Variants in TNIP3 observed in about 807,000 individuals in gnomAD.
The protein encoded by TNIP3 is TNFAIP3 interacting protein 3.
In TNIP3, 34 loss-of-function variants were observed where a neutral mutation model predicts 54.1. The ratio of observed to expected loss-of-function variants is 0.63; its 90% CI spans 0.48 to 0.84. The LOEUF (loss-of-function observed/expected upper bound fraction) is 0.84. TNIP3 is among the 40% of genes least tolerant of loss of function. The probability of loss-of-function intolerance (pLI) is 0.00; values close to 1 mark genes in which losing one functional copy is unlikely to be tolerated. For synonymous variants in TNIP3, 134 were observed against 136.8 expected (o/e 0.98, Z 0.14); for missense variants, 366 against 387.6 (o/e 0.94, Z 0.47).
intron 8 of TNIP3, 42 bp from the exon 9 acceptor site, chr4:121,141,956 A>ACCC: frequency 7.2e-7 from 1 of 1,398,274 alleles, no homozygotes; most frequent in Non-Finnish European, 9.8e-7. Context: ...AGTGGGAGAG[A>ACCC]CTGAGGAGTT....
chr4:121,164,395 A>C, upstream of TNIP3: 1 of 1,195,080 alleles, frequency 8.4e-7, no homozygotes, highest in African/African-American at 1.6e-5. Context: ...GATGTCTCAA[A>C]TAGGCAGGCC....
chr4:121,223,339 C>T (rs1727119908), intron 1 of TNIP3, among the ~76,000 whole-genome samples: 1 of 152,202 alleles, frequency 6.6e-6, no homozygotes, highest in Non-Finnish European at 1.5e-5. Context: ...TGTTTTATAA[C>T]TATGCATTAA....
At chr4:121,182,984 GT>G (rs1432949159) in intron 2 of TNIP3, among the ~76,000 whole-genome samples, 4 of 152,186 alleles carry the variant, frequency 2.6e-5, no homozygotes, top group African/African-American at 9.7e-5. Context: ...GAGCATTAGA[GT>G]TTAATTTTCA....
chr4:121,219,758 T>G (rs1726955010), upstream of TNIP3, among the ~76,000 whole-genome samples: 1 of 152,228 alleles, frequency 6.6e-6, no homozygotes, highest in Non-Finnish European at 1.5e-5. Flanking sequence ...AAGTCTATGT[T>G]ATACATTGAG....
At chr4:121,190,024 G>A (rs1725220600) in intron 2 of TNIP3, among the ~76,000 whole-genome samples, 1 of 152,214 alleles carries the variant, frequency 6.6e-6, no homozygotes, top group African/African-American at 2.4e-5. Context: ...GCTAGCCCCA[G>A]TGAGAGGTTA....
intron 3 of TNIP3, among the ~76,000 whole-genome samples, chr4:121,157,752 AG>A (rs1730203963): frequency 6.6e-6 from 1 of 152,168 alleles, no homozygotes; most frequent in South Asian, 2.1e-4. Flanking sequence ...CACAGTCCAG[AG>A]GGAGAATCTT....
intron 6 of TNIP3, among the ~76,000 whole-genome samples, chr4:121,149,267 T>C (rs892141659): frequency 6.6e-6 from 1 of 152,204 alleles, no homozygotes; most frequent in East Asian, 1.9e-4. Context: ...GAGAATGCTC[T>C]TGTGCATCAG....
chr4:121,226,318 T>A (rs1727254818), intron 1 of TNIP3, among the ~76,000 whole-genome samples: 1 of 152,152 alleles, frequency 6.6e-6, no homozygotes, highest in Admixed American at 6.5e-5. Flanking sequence ...AAAGGCATAA[T>A]GTTTTTCTCT....
At chr4:121,164,769 A>T (rs1432751208), upstream of TNIP3, among the ~76,000 whole-genome samples, 1 of 152,200 alleles carries the variant, frequency 6.6e-6, no homozygotes, top group Non-Finnish European at 1.5e-5. Context: ...GAAAATGGGC[A>T]TTGTTTGCAA....
At chr4:121,225,214 GC>G (rs1350273769) in intron 1 of TNIP3, among the ~76,000 whole-genome samples, 1 of 152,062 alleles carries the variant, frequency 6.6e-6, no homozygotes, top group African/African-American at 2.4e-5. Flanking sequence ...TGTACTAATT[GC>G]CCCTTGTGAC....
At chr4:121,139,327 G>A (rs1179673635) in intron 9 of TNIP3, among the ~76,000 whole-genome samples, 1 of 152,156 alleles carries the variant, frequency 6.6e-6, no homozygotes. Context: ...GCTAGATATT[G>A]AATGTCGAAC....
intron 3 of TNIP3, among the ~76,000 whole-genome samples, chr4:121,180,646 G>A (rs747546979): frequency 5.3e-5 from 8 of 152,252 alleles, no homozygotes; most frequent in East Asian, 1.9e-4. Flanking sequence ...ATGGGGTCTC[G>A]TATATGTTTG....
chr4:121,186,942 A>G (rs1316844719), intron 2 of TNIP3, among the ~76,000 whole-genome samples: 1 of 152,230 alleles, frequency 6.6e-6, no homozygotes, highest in African/African-American at 2.4e-5. Context: ...TTTGTACATG[A>G]AAATATTTTA....
chr4:121,137,958 C>T (rs935268140), intron 10 of TNIP3: 11 of 455,800 alleles, frequency 2.4e-5, no homozygotes, highest in Admixed American at 1.9e-4. Context: ...TTTATACAGC[C>T]CGCTTCTGGG....
At chr4:121,193,256 C>T (rs749269731) in intron 2 of TNIP3, among the ~76,000 whole-genome samples, 1 of 152,092 alleles carries the variant, frequency 6.6e-6, no homozygotes, top group Admixed American at 6.6e-5. Flanking sequence ...AATTCATATT[C>T]ATTCTCTTCT....
Position 121,201,149 on chromosome 4 carries a change from A to G in TNIP3, c.68+15266T>C, listed in dbSNP as rs532959819. ...GAGTCTGGATGAGTAGGGGGCAGGA[A>G]AGAAAGTTTTGAGGTATGAGGAAAG... On this transcript the variant is annotated intron_variant, in intron 2 of 12. Transcript: ENST00000507879. 2.0e-5 allele frequency among the ~76,000 whole-genome samples: 3 copies of G among 152,274 alleles called. No homozygotes were observed. In the South Asian group the frequency reaches 6.2e-4, roughly 32 times the overall value.
At chr4:121,210,418 AATAGCTGCTTAAGC>A (rs1361244896) in intron 2 of TNIP3, among the ~76,000 whole-genome samples, 14 of 152,232 alleles carry the variant, frequency 9.2e-5, no homozygotes, top group Admixed American at 7.9e-4. Context: ...ATTAGATATT[AATAGCTGCTTAAGC>A]CAAACTCCTT....
In TNIP3 at chr4:121,141,920, G is replaced by A. The variant is rs373472329; in HGVS notation, c.787-6C>T. The stretch of plus-strand genomic sequence containing the variant: ...TTACAGGGTGGGCAATACATCTGAG[G>A]AGAACAAAACTGTGGGGTCACTACC... On this transcript the variant is annotated splice_polypyrimidine_tract_variant and splice_region_variant and intron_variant, in intron 8 of 10. Transcript: ENST00000057513. The A allele has an allele frequency of 4.8e-5, 76 of 1,585,918 alleles. No homozygotes were observed. Among genetic ancestry groups the A allele is most frequent in the Non-Finnish European group, 6.5e-5 (76 of 1,166,550 alleles).
At chr4:121,176,344 G>A (rs577757091) in intron 3 of TNIP3, among the ~76,000 whole-genome samples, 2 of 152,100 alleles carry the variant, frequency 1.3e-5, no homozygotes, top group Admixed American at 1.3e-4. Flanking sequence ...AAGCTAAACA[G>A]ATCCTCACAC....
Sources: allele counts gnomAD v4.1 joint callset (sites outside exome capture counted in the v4.1 genomes callset), GRCh38; gene constraint gnomAD v4.1.1; transcripts MANE v1.5; gene names NCBI Gene and HGNC (gene_info 2026-07-23, HGNC 2026-07-21).